The following ZFAT variants were observed in gnomAD, a reference collection of about 807,000 sequenced individuals.
ZFAT encodes zinc finger protein ZFAT.
Under a neutral mutation model 117.7 loss-of-function variants are expected in ZFAT, and 64 were observed. The ratio of observed to expected loss-of-function variants is 0.54; its 90% confidence interval spans 0.44 to 0.67. The LOEUF is 0.67. ZFAT is among the 30% of genes least tolerant of loss of function. The pLI is 0.00. For missense variants in ZFAT, 1,433 were observed against 1,584.5 expected (o/e 0.90, Z 1.62); for synonymous variants, 679 against 615.0 (o/e 1.10, Z -1.54).
chr8:134,615,922 A>C (rs1828695277), intron 3 of ZFAT, among the ~76,000 whole-genome samples: 1 of 152,228 alleles, frequency 6.6e-6, no homozygotes, highest in African/African-American at 2.4e-5. Flanking sequence ...GCACTGTGAA[A>C]AGAACAAGGC....
intron 15 of ZFAT, among the ~76,000 whole-genome samples, chr8:134,492,231 C>A (rs1490238658): frequency 6.6e-6 from 1 of 152,186 alleles, no homozygotes; most frequent in Non-Finnish European, 1.5e-5. Context: ...GATGGCTCAA[C>A]TGGTCTCCAA....
At chr8:134,758,992 A>G in the ZFAT span, among the ~76,000 whole-genome samples, 1 of 152,210 alleles carries the variant, frequency 6.6e-6, no homozygotes, top group Non-Finnish European at 1.5e-5. Context: ...TCACTGCCCC[A>G]AATAAAAGCA....
At chr8:134,498,283 T>A (rs1194360724) in intron 15 of ZFAT, among the ~76,000 whole-genome samples, 5 of 134,690 alleles carry the variant, frequency 3.7e-5, no homozygotes, top group East Asian at 4.9e-4. Flanking sequence ...GTGATGCCCC[T>A]GCTGCTGGTT....
intron 3 of ZFAT, among the ~76,000 whole-genome samples, chr8:134,611,084 G>A (rs1170676525): frequency 6.6e-6 from 1 of 152,260 alleles, no homozygotes; most frequent in Non-Finnish European, 1.5e-5. Flanking sequence ...CAAAAGGAGT[G>A]ATAAGGTACA....
chr8:134,502,301 G>A (rs1384298688), intron 15 of ZFAT, among the ~76,000 whole-genome samples: 1 of 152,204 alleles, frequency 6.6e-6, no homozygotes, highest in Non-Finnish European at 1.5e-5. Flanking sequence ...AGGAGCCCTT[G>A]TCCAGATGGG....
chr8:134,799,278 G>T, the ZFAT span, among the ~76,000 whole-genome samples: 1 of 152,084 alleles, frequency 6.6e-6, no homozygotes, highest in East Asian at 1.9e-4. Context: ...TCTGGATTTA[G>T]GCACAGGCAA....
chr8:134,519,261 T>C (rs981018283), intron 13 of ZFAT, among the ~76,000 whole-genome samples: 3 of 152,292 alleles, frequency 2.0e-5, no homozygotes, highest in African/African-American at 4.8e-5. Context: ...TGATATTGAG[T>C]ATTCCCATTA....
the ZFAT span, among the ~76,000 whole-genome samples, chr8:134,738,608 A>G: frequency 6.6e-6 from 1 of 152,174 alleles, no homozygotes; most frequent in African/African-American, 2.4e-5. Context: ...AACTGGAATC[A>G]ATGCCATGAA....
At chr8:134,532,528 C>T (rs973353276) in intron 12 of ZFAT, among the ~76,000 whole-genome samples, 10 of 152,134 alleles carry the variant, frequency 6.6e-5, no homozygotes, top group African/African-American at 2.2e-4. Flanking sequence ...ACTTTACGCA[C>T]GGACAAAGAA....
chr8:134,652,934 GCA>G (rs1437079052), intron 2 of ZFAT, among the ~76,000 whole-genome samples: 1 of 152,040 alleles, frequency 6.6e-6, no homozygotes, highest in African/African-American at 2.4e-5. Context: ...CAACGTGAAT[GCA>G]CAATGTACAA....
chr8:134,580,626 C>T lies in ZFAT; in HGVS notation c.2887+3206G>A, dbSNP rs1203874062. On this transcript the variant is annotated intron_variant, in intron 10 of 15. Transcript: ENST00000377838. ...ATAAAAATAAAGTTAATTACTAGAA[C>T]AGCTTGAAAAATAAGGTACTAGTAC... Among the ~76,000 whole-genome samples, 5 of 152,140 alleles carry T rather than the reference C, an allele frequency of 3.3e-5. No homozygotes were observed. The East Asian group carries it at 9.6e-4, about 29-fold the overall frequency.
At chr8:134,552,236 C>T (rs181065948) in intron 11 of ZFAT, among the ~76,000 whole-genome samples, 2 of 152,076 alleles carry the variant, frequency 1.3e-5, no homozygotes, top group East Asian at 3.9e-4. Flanking sequence ...CACAGAAGTG[C>T]CTGGTATTCA....
In ZFAT at chr8:134,712,831, C is replaced by G. The variant is rs746445726; in HGVS notation, c.19+14G>C. 8.6e-6 allele frequency: 13 copies of G among 1,505,762 alleles called. No individual in the cohort carries two copies. In the South Asian group the frequency reaches 1.5e-4, roughly 17 times the overall value. The allele number at this position is 1,505,762 out of a possible 1,614,324, so 93.3% of individuals were successfully genotyped here. A position where few individuals can be genotyped will look rare whatever the true frequency, so the allele number is the denominator to read the frequency against. On this transcript the variant is annotated intron_variant, in intron 1 of 15. Transcript: ENST00000377838. ...CCCCCACCCCGTCTCACCCCAACCC[C>G]CAGCCCGGCTCACCTGCCGCCCGCG...
At chr8:134,583,115 C>A (rs556481450) in intron 10 of ZFAT, among the ~76,000 whole-genome samples, 7 of 152,260 alleles carry the variant, frequency 4.6e-5, no homozygotes, top group African/African-American at 1.7e-4. Flanking sequence ...GAGCTCACCA[C>A]CCACCTCGAC....
At position 134,587,135 on chromosome 8, in the gene ZFAT, C is replaced by A. The variant is rs1437846876; in HGVS notation, c.2713+1111G>T. 2.6e-5 allele frequency among the ~76,000 whole-genome samples: 4 copies of A among 152,124 alleles called. No homozygotes were observed. The East Asian group carries it at 5.8e-4, about 22-fold the overall frequency. On this transcript the variant is annotated intron_variant, in intron 9 of 15. Coordinates refer to ENST00000377838, the MANE Select transcript of ZFAT (RefSeq NM_020863.4). ...GGGGCAATAGTACCTACAATGTGACCATCACTCTCCTCTCCACACCTGGGT... is the reference window on the plus strand; with the variant it reads ...GGGGCAATAGTACCTACAATGTGACAATCACTCTCCTCTCCACACCTGGGT...
chr8:134,487,657 C>T (rs1817747029), intron 15 of ZFAT, among the ~76,000 whole-genome samples: 2 of 152,224 alleles, frequency 1.3e-5, no homozygotes, highest in South Asian at 4.1e-4. Context: ...CACATGCCCT[C>T]TCGCCTCTGA....
chr8:134,719,403 C>A, the ZFAT span, among the ~76,000 whole-genome samples: 1 of 152,092 alleles, frequency 6.6e-6, no homozygotes, highest in Admixed American at 6.5e-5. Flanking sequence ...CGGGTGGGGG[C>A]GAATCAAGTG....
intron 1 of ZFAT, among the ~76,000 whole-genome samples, chr8:134,672,368 G>A (rs1832602283): frequency 6.6e-6 from 1 of 152,114 alleles, no homozygotes; most frequent in African/African-American, 2.4e-5. Flanking sequence ...GAGAACACTT[G>A]GACACAGGAA....
At chr8:134,760,003 G>A in the ZFAT span, among the ~76,000 whole-genome samples, 135 of 139,386 alleles carry the variant, frequency 9.7e-4, no homozygotes, top group African/African-American at 3.0e-3. Context: ...AACAGAGGCC[G>A]GGTGCGGTGG....
Sources: gnomAD v4.1 joint callset for allele counts (sites outside exome capture counted in the v4.1 genomes callset) on GRCh38, gnomAD v4.1.1 for gene constraint, MANE v1.5 for transcripts, NCBI Gene and HGNC (gene_info 2026-07-23, HGNC 2026-07-21) for gene names.